The following GABRB3 variants were observed in gnomAD, a reference collection of about 807,000 sequenced individuals.
GABRB3 encodes the protein gamma-aminobutyric acid receptor subunit beta-3.
A neutral mutation model predicts 52.1 loss-of-function variants in GABRB3; 14 were observed. The observed-to-expected ratio is 0.27, with a 90% CI of 0.18 to 0.42. The LOEUF (loss-of-function observed/expected upper bound fraction) is 0.42, where lower values mean the gene tolerates loss of function less well. GABRB3 is among the 10% of genes least tolerant of loss of function. The probability of loss-of-function intolerance (pLI) is 1.00; values close to 1 mark genes in which losing one functional copy is unlikely to be tolerated. For missense variants in GABRB3, 307 were observed against 609.1 expected (o/e 0.50, Z 5.22); for synonymous variants, 260 against 232.3 (o/e 1.12, Z -1.08).
chr15:26,690,553 T>C (rs1352917963), intron 3 of GABRB3, among the ~76,000 whole-genome samples: 2 of 151,918 alleles, frequency 1.3e-5, no homozygotes, highest in Non-Finnish European at 2.9e-5. Flanking sequence ...GCATGGACAT[T>C]AGGACAAAAC....
Position 26,693,340 on chromosome 15 carries a change from C to T in GABRB3, c.241-71806G>A, listed in dbSNP as rs551965394. 1.3e-4 allele frequency among the ~76,000 whole-genome samples: 20 copies of T among 152,320 alleles called. No homozygotes were observed. The East Asian group carries it at 1.7e-3, about 13-fold the overall frequency. On this transcript the variant is annotated intron_variant, in intron 3 of 8. Coordinates refer to ENST00000311550, the MANE Select transcript of GABRB3 (RefSeq NM_000814.6). ...CTCAGCGTTCCTAGCAGTCTCTAAACGTTTCCAGAAAAATGAAACAGCAAG... is the reference window on the plus strand; with the variant it reads ...CTCAGCGTTCCTAGCAGTCTCTAAATGTTTCCAGAAAAATGAAACAGCAAG...
chr15:26,662,408 A>G (rs907831022), intron 3 of GABRB3, among the ~76,000 whole-genome samples: 1 of 152,142 alleles, frequency 6.6e-6, no homozygotes, highest in Non-Finnish European at 1.5e-5. Flanking sequence ...GACACATCCA[A>G]CCACGACTCC....
chr15:26,738,334 C>A (rs182028421), intron 3 of GABRB3, among the ~76,000 whole-genome samples: 370 of 152,256 alleles, frequency 2.4e-3, no homozygotes, highest in African/African-American at 8.4e-3. Flanking sequence ...CCACCCGCCT[C>A]CGCCCCCCAA....
At chr15:26,675,601 G>T (rs567853248) in intron 3 of GABRB3, among the ~76,000 whole-genome samples, 15 of 152,304 alleles carry the variant, frequency 9.8e-5, no homozygotes, top group African/African-American at 3.6e-4. Context: ...CACTGCAGTG[G>T]ATCCTGCAGC....
In GABRB3 at chr15:26,773,004, G is replaced by C; in HGVS notation, c.-42C>G. 7.6e-7 allele frequency: 1 copy of C among 1,319,952 alleles called. No individual in the cohort carries two copies. 81.8% of individuals were successfully genotyped at this position (1,319,952 alleles called of 1,614,324 possible). A position where few individuals can be genotyped will look rare whatever the true frequency, so the allele number is the denominator to read the frequency against. On this transcript the variant is annotated 5_prime_UTR_variant, in exon 1 of 9. Transcript: ENST00000311550. ...GGCACGGGGGAGGGGGCGCCCCGCC[G>C]CCGTCGCGACCCGCAGCCGGGGCTG...
At chr15:26,550,377 A>T (rs1386871385) in intron 8 of GABRB3, among the ~76,000 whole-genome samples, 1 of 152,206 alleles carries the variant, frequency 6.6e-6, no homozygotes, top group Non-Finnish European at 1.5e-5. Flanking sequence ...CAAAAGGCCA[A>T]CAGGCACTTG....
At chr15:26,721,485 T>C (rs1348389935) in intron 3 of GABRB3, among the ~76,000 whole-genome samples, 4 of 151,988 alleles carry the variant, frequency 2.6e-5, no homozygotes, top group Non-Finnish European at 4.4e-5. Context: ...CCCTTCTTCG[T>C]TTCAGCAGAG....
In GABRB3 at chr15:26,621,164, G is replaced by GAT. The variant is rs1192953021; in HGVS notation, c.461+148_461+149dup. 1.6e-6 allele frequency: 1 copy of GAT among 634,984 alleles called. No individual in the cohort carries two copies. 39.3% of individuals were successfully genotyped at this position (634,984 alleles called of 1,614,324 possible). A position where few individuals can be genotyped will look rare whatever the true frequency, so the allele number is the denominator to read the frequency against. ...AATGCCCCAAATTTTATGGTTATGA[G>GAT]ATTTTTTTTTCTGCAAAGCTTTAGT... On this transcript the variant is annotated intron_variant, in intron 4 of 8. Coordinates refer to ENST00000311550, the MANE Select transcript of GABRB3 (RefSeq NM_000814.6). The surrounding 1 kb of genome is among the most constrained non-coding windows in gnomAD (Gnocchi z 4.1).
At chr15:26,699,816 T>C (rs949098590) in intron 3 of GABRB3, among the ~76,000 whole-genome samples, 3 of 151,744 alleles carry the variant, frequency 2.0e-5, no homozygotes, top group Non-Finnish European at 4.4e-5. Context: ...TGAATAAAAA[T>C]GGAAACATAA....
At chr15:26,690,563 C>T (rs543030967) in intron 3 of GABRB3, among the ~76,000 whole-genome samples, 4 of 151,992 alleles carry the variant, frequency 2.6e-5, no homozygotes, top group African/African-American at 4.8e-5. Context: ...TAGGACAAAA[C>T]GTAGATCAGG....
intron 3 of GABRB3, among the ~76,000 whole-genome samples, chr15:26,718,390 A>G (rs1452967039): frequency 6.6e-6 from 1 of 152,040 alleles, no homozygotes; most frequent in Non-Finnish European, 1.5e-5. Context: ...TGCATTTTTA[A>G]TAGAGATGGG....
At chr15:26,722,963 A>G (rs1264483662) in intron 3 of GABRB3, among the ~76,000 whole-genome samples, 1 of 152,178 alleles carries the variant, frequency 6.6e-6, no homozygotes. Context: ...TTCATTTCCC[A>G]GGAGAGTGAT....
chr15:26,720,400 C>T (rs1824268660), intron 3 of GABRB3, among the ~76,000 whole-genome samples: 1 of 152,174 alleles, frequency 6.6e-6, no homozygotes, highest in Non-Finnish European at 1.5e-5. Flanking sequence ...TCTCTGATCC[C>T]TAGCTCAATC....
intron 3 of GABRB3, 194 bp downstream of exon 3, chr15:26,772,208 A>G (rs1891166740): frequency 4.1e-6 from 2 of 493,596 alleles, no homozygotes; most frequent in South Asian, 6.0e-5. Context: ...GACGCCAGCC[A>G]GGCCCCCGAG....
At position 26,699,240 on chromosome 15, in the gene GABRB3, TA is replaced by T. The variant is rs1021257401; in HGVS notation, c.240+73161del. Among the ~76,000 whole-genome samples the T allele has an allele frequency of 5.5e-4, 84 of 152,264 alleles. 1 individual carries two copies. The highest frequency in any genetic ancestry group is 1.8e-3 in the African/African-American group (76 of 41,556). On this transcript the variant is annotated intron_variant, in intron 3 of 8. Coordinates refer to ENST00000311550, the MANE Select transcript of GABRB3 (RefSeq NM_000814.6). ...ACAGAAGGTCTTGCCTCAGTAATAG[TA>T]ATGATTAAATCTAGACTAGGCAATG... is the stretch of plus-strand genomic sequence containing the variant.
intron 3 of GABRB3, among the ~76,000 whole-genome samples, chr15:26,749,310 T>G (rs1463561882): frequency 6.6e-6 from 1 of 152,178 alleles, no homozygotes; most frequent in Non-Finnish European, 1.5e-5. Flanking sequence ...CTGTTTAACT[T>G]CCAAGTGTTT....
At chr15:26,650,806 C>G (rs1286085739) in intron 3 of GABRB3, among the ~76,000 whole-genome samples, 1 of 152,046 alleles carries the variant, frequency 6.6e-6, no homozygotes, top group Non-Finnish European at 1.5e-5. Context: ...TATAAAGACC[C>G]CAGACTCAGT....
chr15:26,569,780 A>C (rs1390459090), intron 6 of GABRB3, among the ~76,000 whole-genome samples: 1 of 152,238 alleles, frequency 6.6e-6, no homozygotes, highest in East Asian at 1.9e-4. Flanking sequence ...ACACCTTGCA[A>C]ATATGACATT....
chr15:26,761,238 C>CA (rs1163357599), intron 3 of GABRB3, among the ~76,000 whole-genome samples: 1 of 151,858 alleles, frequency 6.6e-6, no homozygotes, highest in Non-Finnish European at 1.5e-5. Flanking sequence ...ACTAAAAATA[C>CA]AAAAAAATTA....
Sources: gnomAD v4.1 joint callset for allele counts (sites outside exome capture counted in the v4.1 genomes callset) on GRCh38, gnomAD v4.1.1 for gene constraint, Gnocchi (gnomAD v3.1) non-coding constraint, MANE v1.5 for transcripts, NCBI Gene and HGNC (gene_info 2026-07-23, HGNC 2026-07-21) for gene names.